Variants in KIF26B observed in about 807,000 individuals in gnomAD.
The protein encoded by KIF26B is kinesin-like protein KIF26B.
Under a neutral mutation model 151.2 loss-of-function variants are expected in KIF26B, and 63 were observed. The observed-to-expected ratio is 0.42, with a 90% CI of 0.34 to 0.51. KIF26B has a LOEUF of 0.51. Among genes scored for constraint, KIF26B ranks in the 20% least tolerant of loss-of-function variants. The pLI is 0.07. For synonymous variants in KIF26B, 1,357 were observed against 1,262.1 expected, an observed-to-expected ratio of 1.08 and a Z score of -1.59; for missense variants, 2,813 against 2,913.6, an observed-to-expected ratio of 0.97 and a Z score of 0.79.
At chr1:245,378,811 G>C (rs1003799981) in intron 3 of KIF26B, among the ~76,000 whole-genome samples, 1 of 152,162 alleles carries the variant, frequency 6.6e-6, no homozygotes, top group African/African-American at 2.4e-5. Flanking sequence ...TAAAACACCA[G>C]GTTCCTTGCT....
chr1:245,241,300 G>T lies in KIF26B; in HGVS notation c.465+84617G>T, dbSNP rs1007347721. ...GAAGCCAGAGGGTGCCCCGACAGAG[G>T]AAAAGCGGCCGGTGGGTTTTAGATC... is the stretch of plus-strand genomic sequence containing the variant. On this transcript the variant is annotated intron_variant, in intron 2 of 14. Transcript: ENST00000407071. The surrounding 1 kb of genome is among the most constrained non-coding windows in gnomAD (Gnocchi z 5.0). 1.3e-5 allele frequency among the ~76,000 whole-genome samples: 2 copies of T among 151,962 alleles called. No homozygotes were observed. Among genetic ancestry groups the T allele is most frequent in the Non-Finnish European group, 2.9e-5 (2 of 67,996 alleles).
At chr1:245,383,660 G>A (rs1673469418) in intron 3 of KIF26B, among the ~76,000 whole-genome samples, 1 of 152,216 alleles carries the variant, frequency 6.6e-6, no homozygotes, top group Non-Finnish European at 1.5e-5. Flanking sequence ...CAACTTAGAA[G>A]CAGCAGCCTC....
chr1:245,343,382 A>T (rs1293061933), intron 2 of KIF26B, among the ~76,000 whole-genome samples: 1 of 151,524 alleles, frequency 6.6e-6, no homozygotes, highest in East Asian at 1.9e-4. Flanking sequence ...TTTTCCTACC[A>T]CAATTTATGT....
At chr1:245,658,766 T>A (rs2147931025) in intron 10 of KIF26B, among the ~76,000 whole-genome samples, 1 of 152,298 alleles carries the variant, frequency 6.6e-6, no homozygotes, top group South Asian at 2.1e-4. Flanking sequence ...ATCTCAAATA[T>A]CATCTCCCCT....
chr1:245,316,852 C>T (rs899371783), intron 2 of KIF26B, among the ~76,000 whole-genome samples: 1 of 152,248 alleles, frequency 6.6e-6, no homozygotes, highest in Admixed American at 6.5e-5. Flanking sequence ...CTCACAATCA[C>T]CTTCAAGGGA....
intron 2 of KIF26B, among the ~76,000 whole-genome samples, chr1:245,339,662 T>C (rs763727597): frequency 4.9e-4 from 75 of 152,252 alleles, no homozygotes; most frequent in Non-Finnish European, 8.1e-4. Flanking sequence ...ATTTTTAGTA[T>C]AGTCACAAAA....
intron 2 of KIF26B, among the ~76,000 whole-genome samples, chr1:245,209,965 C>A (rs1235256839): frequency 6.6e-6 from 1 of 152,232 alleles, no homozygotes; most frequent in African/African-American, 2.4e-5. Flanking sequence ...TGACTGTTAA[C>A]CTGTGGGGGT....
intron 2 of KIF26B, 147 bp from the exon 3 acceptor site, chr1:245,366,687 T>C (rs1672961466): frequency 6.0e-6 from 4 of 672,072 alleles, no homozygotes; most frequent in Middle Eastern, 2.6e-4. Context: ...TTTCTGCCAG[T>C]GTGTCTTCTC....
At chr1:245,517,920 C>T (rs1024970348) in intron 4 of KIF26B, among the ~76,000 whole-genome samples, 33 of 149,486 alleles carry the variant, frequency 2.2e-4, no homozygotes, top group African/African-American at 7.4e-4. Context: ...TCGCGCAGGC[C>T]GGAGTGCAGT....
At chr1:245,595,521 G>A (rs1470479562) in intron 5 of KIF26B, among the ~76,000 whole-genome samples, 1 of 152,098 alleles carries the variant, frequency 6.6e-6, no homozygotes, top group Non-Finnish European at 1.5e-5. Flanking sequence ...CGACCTGATC[G>A]TGGTGGATAA....
chr1:245,558,854 A>T (rs1223388685), intron 5 of KIF26B, among the ~76,000 whole-genome samples: 1 of 152,210 alleles, frequency 6.6e-6, no homozygotes, highest in Non-Finnish European at 1.5e-5. Flanking sequence ...AGAAGTGGTG[A>T]AAAGATGGGG....
At chr1:245,500,073 G>A (rs1660590207) in intron 4 of KIF26B, among the ~76,000 whole-genome samples, 1 of 152,208 alleles carries the variant, frequency 6.6e-6, no homozygotes, top group South Asian at 2.1e-4. Flanking sequence ...AAGAACGGTG[G>A]AAGGTTTTAG....
At chr1:245,684,102 T>C (rs927863575) in intron 10 of KIF26B, 131 bp from the exon 11 acceptor site, 46 of 890,734 alleles carry the variant, frequency 5.2e-5, no homozygotes, top group Non-Finnish European at 7.6e-5. Context: ...TGATGCTAAT[T>C]AGTATGCCAT....
At chr1:245,579,002 G>A (rs1488500396) in intron 5 of KIF26B, among the ~76,000 whole-genome samples, 3 of 152,186 alleles carry the variant, frequency 2.0e-5, no homozygotes, top group Admixed American at 6.6e-5. Flanking sequence ...ACTAGAAACT[G>A]TGGTTTTTAT....
At chr1:245,421,726 A>G (rs150744807) in intron 4 of KIF26B, among the ~76,000 whole-genome samples, 235 of 152,172 alleles carry the variant, frequency 1.5e-3, no homozygotes, top group African/African-American at 5.3e-3. Flanking sequence ...AGGGTTCCCA[A>G]TTGGCAGAAT....
intron 4 of KIF26B, among the ~76,000 whole-genome samples, chr1:245,533,902 T>A (rs771300604): frequency 6.4e-4 from 98 of 152,284 alleles, no homozygotes; most frequent in Non-Finnish European, 1.1e-3. Context: ...TGGACCTCAT[T>A]TTTTTAGGTT....
chr1:245,418,003 A>G (rs1674462185), intron 3 of KIF26B, among the ~76,000 whole-genome samples: 1 of 152,248 alleles, frequency 6.6e-6, no homozygotes, highest in African/African-American at 2.4e-5. Flanking sequence ...TTGTCGCATG[A>G]ATTTGGGGGT....
chr1:245,220,598 G>T (rs1468620587), intron 2 of KIF26B, among the ~76,000 whole-genome samples: 1 of 152,200 alleles, frequency 6.6e-6, no homozygotes, highest in East Asian at 1.9e-4. Context: ...TCCCAATAAA[G>T]CGTGTGGGTG....
chr1:245,352,881 G>A lies in KIF26B; in HGVS notation c.466-13953G>A, dbSNP rs541852492. Among the ~76,000 whole-genome samples, 9 of 152,140 alleles carry A rather than the reference G, an allele frequency of 5.9e-5. No individual in the cohort carries two copies. The highest frequency in any genetic ancestry group is 2.2e-4 in the African/African-American group (9 of 41,510). On this transcript the variant is annotated intron_variant, in intron 2 of 14. Coordinates refer to ENST00000407071, the MANE Select transcript of KIF26B (RefSeq NM_018012.4). This position sits in a 1 kb window ranked among gnomAD's most constrained non-coding sequence, Gnocchi z 5.0. Reference sequence around the variant, plus strand: ...TGGTGGGCGTGGGTGGGTGTGTAGAGTAGGGAAAAGGTGAGAAGTGGCTCT... The same window carrying A: ...TGGTGGGCGTGGGTGGGTGTGTAGAATAGGGAAAAGGTGAGAAGTGGCTCT...
Sources: allele counts gnomAD v4.1 joint callset (sites outside exome capture counted in the v4.1 genomes callset), GRCh38; gene constraint gnomAD v4.1.1; non-coding constraint Gnocchi (gnomAD v3.1); transcripts MANE v1.5; gene names NCBI Gene and HGNC (gene_info 2026-07-23, HGNC 2026-07-21).